Variants in SOS2 observed in about 807,000 individuals in gnomAD.
SOS2 encodes son of sevenless homolog 2.
Under a neutral mutation model 148.2 loss-of-function variants are expected in SOS2, and 65 were observed. The ratio of observed to expected loss-of-function variants is 0.44; its 90% confidence interval spans 0.36 to 0.54. The LOEUF is 0.54. Among genes scored for constraint, SOS2 ranks in the 20% least tolerant of loss-of-function variants. The probability of loss-of-function intolerance (pLI) is 0.00; values close to 1 mark genes in which losing one functional copy is unlikely to be tolerated. For missense variants in SOS2, 1,341 were observed against 1,590.2 expected (o/e 0.84, Z 2.67); for synonymous variants, 539 against 537.1 (o/e 1.00, Z -0.05).
At chr14:50,178,841 C>G (rs1045509780) in intron 7 of SOS2, among the ~76,000 whole-genome samples, 23 of 151,932 alleles carry the variant, frequency 1.5e-4, no homozygotes, top group Admixed American at 1.3e-4. Flanking sequence ...TCAAGCAATT[C>G]TCCTGCCTCA....
chr14:50,208,637 A>G (rs2139811245), intron 1 of SOS2, among the ~76,000 whole-genome samples: 1 of 152,284 alleles, frequency 6.6e-6, no homozygotes, highest in East Asian at 1.9e-4. Context: ...ACAGAGCAAG[A>G]CTCCATCTCA....
intron 4 of SOS2, among the ~76,000 whole-genome samples, chr14:50,191,788 T>C (rs1392262883): frequency 4.6e-5 from 7 of 152,150 alleles, no homozygotes; most frequent in Non-Finnish European, 8.8e-5. Flanking sequence ...TTTTCTTTTT[T>C]CATGAAAAGT....
chr14:50,196,074 A>G (rs1812158972), intron 4 of SOS2, among the ~76,000 whole-genome samples: 2 of 152,136 alleles, frequency 1.3e-5, no homozygotes, highest in Non-Finnish European at 2.9e-5. Flanking sequence ...AAGAAAATGC[A>G]TATGTGTTTT....
In SOS2 at chr14:50,224,307, AT is replaced by A. The variant is rs1566487902; in HGVS notation, c.87+6889del. Among the ~76,000 whole-genome samples the A allele has an allele frequency of 4.4e-3, 263 of 59,300 alleles. 16 individuals are homozygous for A. The highest frequency in any genetic ancestry group is 0.017 in the African/African-American group (246 of 14,250). 38.9% of individuals were successfully genotyped at this position (59,300 alleles called of 152,430 possible). On this transcript the variant is annotated intron_variant, in intron 1 of 22. Coordinates refer to ENST00000216373, the MANE Select transcript of SOS2 (RefSeq NM_006939.4). ...CTCCGTCTCAGGAAAAAAAAAAAAT[AT>A]ATATATACACACACACACACACACA... is the stretch of plus-strand genomic sequence containing the variant.
chr14:50,140,932 C>T (rs867761281), intron 16 of SOS2, among the ~76,000 whole-genome samples: 5 of 152,154 alleles, frequency 3.3e-5, no homozygotes, highest in East Asian at 3.9e-4. Flanking sequence ...AGGCCAGGTG[C>T]AGTGGCTCAC....
intron 1 of SOS2, among the ~76,000 whole-genome samples, chr14:50,226,312 G>A (rs558736746): frequency 6.6e-6 from 1 of 152,296 alleles, no homozygotes; most frequent in South Asian, 2.1e-4. Context: ...AATGTTGCTT[G>A]CTTAAAGTCT....
At position 50,200,923 on chromosome 14, in the gene SOS2, C is replaced by A. The variant is rs76647674; in HGVS notation, c.345+30G>T. On this transcript the variant is annotated intron_variant, in intron 3 of 22. Coordinates refer to ENST00000216373, the MANE Select transcript of SOS2 (RefSeq NM_006939.4). The stretch of plus-strand genomic sequence containing the variant: ...AAAATATTACTTGTTATAAAGAACA[C>A]CCCCCAACTAATGTTTAATCTTTTG... 1.1e-3 allele frequency: 1,718 copies of A among 1,601,014 alleles called. 17 individuals carry two copies. The African/African-American group carries it at 0.02, about 19-fold the overall frequency.
chr14:50,224,875 A>G (rs1053029567), intron 1 of SOS2, among the ~76,000 whole-genome samples: 7 of 88,252 alleles, frequency 7.9e-5, no homozygotes, highest in Non-Finnish European at 1.4e-4. Context: ...AGCAGAGCAA[A>G]ACCCTGTCAA....
In SOS2 at chr14:50,199,902, G is replaced by A. The variant is rs775867707; in HGVS notation, c.346-47C>T. On this transcript the variant is annotated intron_variant, in intron 3 of 22. Transcript: ENST00000216373. ...TAATTGCAAAATGTAGCACTGTCAA[G>A]TATTACACACTTAAAAAATTCCTAT... 4 of 1,201,032 alleles carry A rather than the reference G, an allele frequency of 3.3e-6. No homozygotes were observed. The East Asian group carries it at 7.8e-5, about 23-fold the overall frequency. The allele number at this position is 1,201,032 out of a possible 1,614,324, so 74.4% of individuals were successfully genotyped here.
chr14:50,118,681 AG>A lies in SOS2; in HGVS notation c.3661del (p.Leu1221PhefsTer8). On this transcript the variant is annotated frameshift_variant, in exon 23 of 23. Coordinates refer to ENST00000216373, the MANE Select transcript of SOS2 (RefSeq NM_006939.4). LOFTEE classifies it high-confidence loss of function. Reference sequence around the variant, plus strand: ...GTTTATAAAGTGTTCTGGAGGCCGAAGGGGAACTGGTGGAGGGGTATCAGGA... The same window carrying A: ...GTTTATAAAGTGTTCTGGAGGCCGAAGGGAACTGGTGGAGGGGTATCAGGA... ...PLPDTPPPVP[L>X]RPPEHFINCP... 1 of 1,613,480 alleles carries A rather than the reference AG, an allele frequency of 6.2e-7. No homozygotes were observed. The highest frequency in any genetic ancestry group is 8.5e-7 in the Non-Finnish European group (1 of 1,179,862).
At chr14:50,209,683 C>T (rs936398788) in intron 1 of SOS2, among the ~76,000 whole-genome samples, 1 of 151,114 alleles carries the variant, frequency 6.6e-6, no homozygotes, top group African/African-American at 2.4e-5. Flanking sequence ...CACCTGAACC[C>T]GGAGGTCGAG....
chr14:50,220,405 C>CGAAAAAAAAAAA (rs779813155), intron 1 of SOS2, among the ~76,000 whole-genome samples: 27 of 30,448 alleles, frequency 8.9e-4, no homozygotes, highest in African/African-American at 3.9e-3. Flanking sequence ...GACTCCATCT[C>CGAAAAAAAAAAA]AAAAAAAAAA....
At chr14:50,144,247 A>C (rs1884388303) in intron 16 of SOS2, among the ~76,000 whole-genome samples, 1 of 151,978 alleles carries the variant, frequency 6.6e-6, no homozygotes. Flanking sequence ...TGCCATTAAA[A>C]TCTTGTTTTT....
intron 5 of SOS2, among the ~76,000 whole-genome samples, chr14:50,183,714 A>G (rs1885817925): frequency 6.6e-6 from 1 of 152,226 alleles, no homozygotes; most frequent in African/African-American, 2.4e-5. Flanking sequence ...ATAGTCTTAT[A>G]GATTAATGGT....
At chr14:50,180,532 T>TAAAAAAAA in intron 7 of SOS2, 40 bp downstream of exon 7, 2 of 465,884 alleles carry the variant, frequency 4.3e-6, no homozygotes, top group Non-Finnish European at 6.5e-6. Flanking sequence ...ATTTGCTTTA[T>TAAAAAAAA]TAAAAAAAAA....
intron 4 of SOS2, among the ~76,000 whole-genome samples, chr14:50,189,346 A>AAAAAAAAAAAAAAAAAAAAAAAC: frequency 6.8e-6 from 1 of 147,984 alleles, no homozygotes; most frequent in Non-Finnish European, 1.5e-5. Context: ...AAAAAAAAAA[A>AAAAAAAAAAAAAAAAAAAAAAAC]AAGCAAGCCT....
chr14:50,186,478 CTTGA>C (rs998438733), intron 5 of SOS2, among the ~76,000 whole-genome samples: 14 of 152,194 alleles, frequency 9.2e-5, no homozygotes, highest in African/African-American at 3.4e-4. Context: ...CTATAACTAA[CTTGA>C]TTAAGATGTT....
intron 19 of SOS2, 146 bp downstream of exon 19, chr14:50,133,977 C>G: frequency 1.6e-6 from 1 of 633,872 alleles, no homozygotes; most frequent in Non-Finnish European, 2.8e-6. Context: ...ACATTTCCCC[C>G]CCCAGTTTTA....
intron 5 of SOS2, 70 bp downstream of exon 5, chr14:50,188,427 A>G: frequency 2.0e-6 from 2 of 1,015,464 alleles, no homozygotes; most frequent in Non-Finnish European, 3.0e-6. Flanking sequence ...AAAAAAAGTG[A>G]CTATTTATGA....
Sources: gnomAD v4.1 joint callset for allele counts (sites outside exome capture counted in the v4.1 genomes callset) on GRCh38, gnomAD v4.1.1 for gene constraint, MANE v1.5 for transcripts, NCBI Gene and HGNC (gene_info 2026-07-23, HGNC 2026-07-21) for gene names.